The following HCRTR2 variants were observed in gnomAD, a reference collection of about 807,000 sequenced individuals.
The protein encoded by HCRTR2 is orexin receptor type 2.
Under a neutral mutation model 49.0 loss-of-function variants are expected in HCRTR2, and 22 were observed. The ratio of observed to expected loss-of-function variants is 0.45; its 90% CI spans 0.32 to 0.64. The LOEUF (loss-of-function observed/expected upper bound fraction) is 0.64. Ranked by LOEUF, HCRTR2 falls within the 30% of genes least tolerant of loss-of-function variation. The pLI, the probability that HCRTR2 is intolerant of heterozygous loss-of-function variation, is 0.04. For missense variants in HCRTR2, 491 were observed against 559.4 expected, an observed-to-expected ratio of 0.88 and a Z score of 1.23; for synonymous variants, 236 against 205.3, an observed-to-expected ratio of 1.15 and a Z score of -1.28.
chr6:55,191,637 T>C (rs1765317037), intron 1 of HCRTR2, among the ~76,000 whole-genome samples: 1 of 152,130 alleles, frequency 6.6e-6, no homozygotes, highest in Admixed American at 6.5e-5. Context: ...ACACCAGAAT[T>C]ATATGACAGT....
intron 1 of HCRTR2, among the ~76,000 whole-genome samples, chr6:55,247,100 T>C (rs568801919): frequency 5.9e-5 from 9 of 152,010 alleles, no homozygotes; most frequent in Non-Finnish European, 1.3e-4. Flanking sequence ...CATAACAAAC[T>C]GTGATAATGT....
chr6:55,137,397 C>G (rs1764447671), intron 1 of HCRTR2, among the ~76,000 whole-genome samples: 1 of 152,116 alleles, frequency 6.6e-6, no homozygotes, highest in African/African-American at 2.4e-5. Flanking sequence ...CTTTTAGGTG[C>G]ATCTAACTGA....
intron 1 of HCRTR2, among the ~76,000 whole-genome samples, chr6:55,187,121 T>C (rs1765229473): frequency 1.3e-5 from 2 of 151,634 alleles, no homozygotes; most frequent in Non-Finnish European, 1.5e-5. Flanking sequence ...AAAGAAGACA[T>C]TGGGGCCAGG....
chr6:55,235,579 A>G (rs568037974), intron 1 of HCRTR2, among the ~76,000 whole-genome samples: 33 of 152,198 alleles, frequency 2.2e-4, no homozygotes, highest in African/African-American at 7.0e-4. Flanking sequence ...CTACTCCAAC[A>G]TCTTATCAAT....
At chr6:55,182,048 CT>C (rs1240319237) in intron 1 of HCRTR2, among the ~76,000 whole-genome samples, 1 of 152,184 alleles carries the variant, frequency 6.6e-6, no homozygotes, top group Non-Finnish European at 1.5e-5. Flanking sequence ...CAAACAAACC[CT>C]GAATTTTCAT....
intron 2 of HCRTR2, among the ~76,000 whole-genome samples, chr6:55,252,757 G>A (rs9367626): frequency 0.17 from 26,325 of 151,948 alleles, 2,779 homozygotes; most frequent in Non-Finnish European, 0.24. Context: ...ATTTAGCAAA[G>A]GTTAGGCTTT....
intron 1 of HCRTR2, among the ~76,000 whole-genome samples, chr6:55,133,485 C>A (rs975575474): frequency 1.3e-5 from 2 of 151,704 alleles, no homozygotes; most frequent in Non-Finnish European, 3.0e-5. Flanking sequence ...TTATGATATC[C>A]ATTTCAAAGC....
intron 1 of HCRTR2, among the ~76,000 whole-genome samples, chr6:55,237,933 C>T (rs557598241): frequency 2.0e-5 from 3 of 152,228 alleles, no homozygotes; most frequent in South Asian, 4.1e-4. Context: ...AGGTTCTTCC[C>T]TTCTTACTCT....
chr6:55,221,985 C>A (rs1047838700), intron 1 of HCRTR2, among the ~76,000 whole-genome samples: 3 of 151,666 alleles, frequency 2.0e-5, no homozygotes, highest in African/African-American at 7.3e-5. Context: ...AACTGATGCA[C>A]AGAAAATAAA....
intron 1 of HCRTR2, among the ~76,000 whole-genome samples, chr6:55,113,867 C>T (rs1232750139): frequency 2.0e-5 from 3 of 151,840 alleles, no homozygotes; most frequent in Non-Finnish European, 2.9e-5. Flanking sequence ...CAGCACAATT[C>T]GCAATTGCAA....
In HCRTR2 at chr6:55,206,245, C is replaced by T. The variant is rs532662630; in HGVS notation, c.223+31435C>T. On this transcript the variant is annotated intron_variant, in intron 1 of 6. Transcript: ENST00000370862. The stretch of plus-strand genomic sequence containing the variant: ...TGTGAGTGGAGTTATACAAACTACT[C>T]ATTAAAATCTTTATTTGAATTTGTA... Among the ~76,000 whole-genome samples the T allele has an allele frequency of 5.3e-5, 8 of 152,090 alleles. No individual in the cohort carries two copies. In the East Asian group the frequency reaches 1.4e-3, roughly 26 times the overall value.
At chr6:55,231,118 A>G (rs182735364) in intron 1 of HCRTR2, among the ~76,000 whole-genome samples, 89 of 152,272 alleles carry the variant, frequency 5.8e-4, no homozygotes, top group African/African-American at 2.1e-3. Context: ...TCCAATCAAT[A>G]TTCTACTTAT....
intron 1 of HCRTR2, among the ~76,000 whole-genome samples, chr6:55,231,068 G>A (rs532917544): frequency 6.6e-6 from 1 of 152,060 alleles, no homozygotes; most frequent in East Asian, 1.9e-4. Context: ...TGGTTTAGGC[G>A]AGCACTAGGA....
In HCRTR2 at chr6:55,278,721, C is replaced by A. The variant is rs145572783; in HGVS notation, c.983+1121C>A. 3.4e-3 allele frequency among the ~76,000 whole-genome samples: 319 copies of A among 94,094 alleles called. 1 individual carries two copies. The highest frequency in any genetic ancestry group is 0.022 in the Middle Eastern group (4 of 184). 61.7% of individuals were successfully genotyped at this position (94,094 alleles called of 152,430 possible). ...CTCCATATCTTTTTGTGCTTTGCTT[C>A]TTATTAATTATTATTATTATTATTA... On this transcript the variant is annotated intron_variant, in intron 5 of 6. Transcript: ENST00000370862.
At chr6:55,145,606 G>A (rs1239531721) in intron 1 of HCRTR2, among the ~76,000 whole-genome samples, 1 of 151,736 alleles carries the variant, frequency 6.6e-6, no homozygotes, top group Non-Finnish European at 1.5e-5. Flanking sequence ...TAGTAGAGAC[G>A]GGGTTTCACC....
intron 1 of HCRTR2, among the ~76,000 whole-genome samples, chr6:55,209,489 A>AT (rs11395545): frequency 0.055 from 8,389 of 152,110 alleles, 367 homozygotes; most frequent in African/African-American, 0.12. Flanking sequence ...AGAGGCTGTC[A>AT]TTTTTTCATG....
chr6:55,147,954 A>G (rs1764616807), intron 1 of HCRTR2, among the ~76,000 whole-genome samples: 1 of 148,200 alleles, frequency 6.7e-6, no homozygotes, highest in Non-Finnish European at 1.5e-5. Context: ...GATGTTTCCA[A>G]TGGGAAAGGT....
chr6:55,268,360 A>C (rs1766901511), intron 4 of HCRTR2, among the ~76,000 whole-genome samples: 1 of 152,104 alleles, frequency 6.6e-6, no homozygotes, highest in African/African-American at 2.4e-5. Context: ...CTTAATAATT[A>C]GATTAAATGT....
At chr6:55,141,744 GAAAT>G (rs1191174958) in intron 1 of HCRTR2, among the ~76,000 whole-genome samples, 2 of 152,184 alleles carry the variant, frequency 1.3e-5, no homozygotes, top group East Asian at 3.9e-4. Flanking sequence ...AGAATTTAGA[GAAAT>G]AAGGCAGGAA....
Sources: allele counts gnomAD v4.1 joint callset (sites outside exome capture counted in the v4.1 genomes callset), GRCh38; gene constraint gnomAD v4.1.1; transcripts MANE v1.5; gene names NCBI Gene and HGNC (gene_info 2026-07-23, HGNC 2026-07-21).